Variants in TNRC6A observed in about 807,000 individuals in gnomAD.
TNRC6A encodes trinucleotide repeat containing adaptor 6A.
A neutral mutation model predicts 221.2 loss-of-function variants in TNRC6A; 44 were observed. The ratio of observed to expected loss-of-function variants is 0.20; its 90% CI spans 0.16 to 0.26. TNRC6A has a LOEUF of 0.26. TNRC6A is among the 10% of genes least tolerant of loss of function. The pLI is 1.00. For synonymous variants in TNRC6A, 847 were observed against 838.5 expected (o/e 1.01, Z -0.18); for missense variants, 2,199 against 2,404.4 (o/e 0.91, Z 1.79).
chr16:24,623,152 A>AATTTATTTATTT (rs199950284), intron 1 of TNRC6A, among the ~76,000 whole-genome samples: 10 of 143,850 alleles, frequency 7.0e-5, no homozygotes, highest in East Asian at 6.1e-4. Context: ...AAGTGATAAG[A>AATTTATTTATTT]ATTTATTTAT....
At chr16:24,757,661 A>G (rs761202022) in intron 3 of TNRC6A, among the ~76,000 whole-genome samples, 15 of 152,222 alleles carry the variant, frequency 9.9e-5, no homozygotes, top group Non-Finnish European at 1.9e-4. Flanking sequence ...GTGGTGTCAG[A>G]AAATAAAGGA....
At chr16:24,662,986 A>G (rs1164330002) in intron 2 of TNRC6A, 1 of 153,736 alleles carries the variant, frequency 6.5e-6, no homozygotes, top group Non-Finnish European at 1.5e-5. Flanking sequence ...CACTGGGTTT[A>G]TTTGAAAGAA....
chr16:24,671,388 C>A (rs192333092), intron 2 of TNRC6A, among the ~76,000 whole-genome samples: 1 of 152,124 alleles, frequency 6.6e-6, no homozygotes, highest in Non-Finnish European at 1.5e-5. Flanking sequence ...GACAAGTTTG[C>A]GCATTGACGC....
intron 2 of TNRC6A, among the ~76,000 whole-genome samples, chr16:24,665,841 A>G (rs2055146630): frequency 6.6e-6 from 1 of 152,128 alleles, no homozygotes; most frequent in Non-Finnish European, 1.5e-5. Flanking sequence ...GCAGGGACAA[A>G]TCTTTCCCTG....
At position 24,793,606 on chromosome 16, in the gene TNRC6A, G is replaced by T. The variant is rs768040697; in HGVS notation, c.3309G>T (p.Thr1103=). The change falls in exon 7 of 25, where the codon ACG becomes ACT. Residue 1103 remains threonine, a synonymous_variant. Coordinates refer to ENST00000395799, the MANE Select transcript of TNRC6A (RefSeq NM_014494.4). The stretch of plus-strand genomic sequence containing the variant: ...TTGCTGCGGCATCCAGCACATCCAC[G>T]TGGGGCTCCAGCTCTGTTGGTCCAC... ...EPIAAASSTS[T]WGSSSVGPQA... 6.4e-7 allele frequency: 1 copy of T among 1,554,646 alleles called. No homozygotes were observed. Among genetic ancestry groups the T allele is most frequent in the Non-Finnish European group, 8.7e-7 (1 of 1,149,282 alleles).
At position 24,791,301 on chromosome 16, in the gene TNRC6A, T is replaced by A; in HGVS notation, c.2659T>A (p.Trp887Arg). The A allele has an allele frequency of 6.2e-7, 1 of 1,611,828 alleles. No homozygotes were observed. Among genetic ancestry groups the A allele is most frequent in the Non-Finnish European group, 8.5e-7 (1 of 1,178,738 alleles). Residue 887 changes from tryptophan to arginine, a missense_variant, in exon 6 of 25, where the codon TGG becomes AGG. Physicochemically the swap from Trp to Arg is moderately radical, Grantham distance 101 (BLOSUM62 -3). Transcript: ENST00000395799. ...GSDSDRSVSG[W>R]NELGKTSSFT... is the part of the protein sequence containing the mutation. Reference sequence around the variant, plus strand: ...TGACAGTGACAGGTCCGTTTCCGGTTGGAACGAACTTGGTAAAACTAGTTC... The same window carrying A: ...TGACAGTGACAGGTCCGTTTCCGGTAGGAACGAACTTGGTAAAACTAGTTC...
In TNRC6A at chr16:24,811,282, T is replaced by G. The variant is rs375933867; in HGVS notation, c.4672+1801T>G. ...TAAGGGGAGTGGAGGCAAGGACATT[T>G]GACTAGGAAGTTCTGCATTACAGAA... is the stretch of plus-strand genomic sequence containing the variant. On this transcript the variant is annotated intron_variant, in intron 18 of 24. Coordinates refer to ENST00000395799, the MANE Select transcript of TNRC6A (RefSeq NM_014494.4). 8.5e-5 allele frequency among the ~76,000 whole-genome samples: 13 copies of G among 152,286 alleles called. No individual in the cohort carries two copies. The East Asian group carries it at 2.5e-3, about 29-fold the overall frequency.
chr16:24,623,607 A>G (rs1488202365), intron 1 of TNRC6A, among the ~76,000 whole-genome samples: 2 of 151,908 alleles, frequency 1.3e-5, no homozygotes, highest in Non-Finnish European at 2.9e-5. Context: ...ATTATGAAGA[A>G]TTTCAAGGCT....
chr16:24,651,004 T>C (rs1157734697), intron 2 of TNRC6A, among the ~76,000 whole-genome samples: 1 of 152,162 alleles, frequency 6.6e-6, no homozygotes, highest in Non-Finnish European at 1.5e-5. Flanking sequence ...GATTGAACAG[T>C]GTAGCTCCGT....
chr16:24,765,515 A>T (rs1274674445), intron 4 of TNRC6A, among the ~76,000 whole-genome samples: 1 of 152,182 alleles, frequency 6.6e-6, no homozygotes, highest in Non-Finnish European at 1.5e-5. Flanking sequence ...TTTGTGTTGT[A>T]GGGTGGTATT....
At chr16:24,761,944 C>G (rs993901375) in intron 4 of TNRC6A, among the ~76,000 whole-genome samples, 3 of 152,138 alleles carry the variant, frequency 2.0e-5, no homozygotes, top group Admixed American at 2.0e-4. Context: ...TCTTTTTCCT[C>G]TGTCTCTTCC....
Position 24,823,285 on chromosome 16 carries a change from G to C in TNRC6A, c.5514-147G>C, listed in dbSNP as rs1370199322. ...GCTGTGGGTGCACACTCGGGTGAAG[G>C]GAGGGCACGCAGGTTATGTGGTGTA... On this transcript the variant is annotated intron_variant, in intron 24 of 24. Transcript: ENST00000395799. The surrounding 1 kb of genome is among the most constrained non-coding windows in gnomAD (Gnocchi z 4.3). 3.7e-6 allele frequency: 4 copies of C among 1,071,776 alleles called. No homozygotes were observed. In the East Asian group the frequency reaches 9.9e-5, roughly 27 times the overall value. 66.4% of individuals were successfully genotyped at this position (1,071,776 alleles called of 1,614,324 possible). A position where few individuals can be genotyped will look rare whatever the true frequency, so the allele number is the denominator to read the frequency against.
chr16:24,818,780 G>C, intron 21 of TNRC6A, 80 bp downstream of exon 21: 2 of 1,055,164 alleles, frequency 1.9e-6, no homozygotes, highest in Non-Finnish European at 2.9e-6. Flanking sequence ...CTCTTCTTTC[G>C]TCCAGTCTTC....
intron 2 of TNRC6A, among the ~76,000 whole-genome samples, chr16:24,710,189 C>T (rs2056177800): frequency 6.6e-6 from 1 of 150,812 alleles, no homozygotes; most frequent in Non-Finnish European, 1.5e-5. Flanking sequence ...CGCGCCATTG[C>T]ACTCCAGCCT....
intron 11 of TNRC6A, among the ~76,000 whole-genome samples, chr16:24,799,391 C>T (rs1225454801): frequency 6.6e-6 from 1 of 152,158 alleles, no homozygotes; most frequent in Non-Finnish European, 1.5e-5. Context: ...AATGGCAACG[C>T]AACTCTGTAT....
At chr16:24,631,263 G>A (rs563354146) in intron 1 of TNRC6A, among the ~76,000 whole-genome samples, 2 of 152,042 alleles carry the variant, frequency 1.3e-5, no homozygotes, top group South Asian at 4.2e-4. Context: ...ACAACTGCTT[G>A]AGAAACCTGT....
At chr16:24,781,419 T>C (rs1253467334) in intron 5 of TNRC6A, among the ~76,000 whole-genome samples, 2 of 152,184 alleles carry the variant, frequency 1.3e-5, no homozygotes, top group African/African-American at 4.8e-5. Context: ...TCAGTGTTAC[T>C]GAAGGAATAG....
chr16:24,641,480 A>G (rs988975444), intron 2 of TNRC6A, among the ~76,000 whole-genome samples: 2 of 152,160 alleles, frequency 1.3e-5, no homozygotes, highest in African/African-American at 4.8e-5. Flanking sequence ...CTGGATCCGT[A>G]TGGCATCACC....
At chr16:24,712,638 C>T (rs950603678) in intron 2 of TNRC6A, among the ~76,000 whole-genome samples, 12 of 152,146 alleles carry the variant, frequency 7.9e-5, no homozygotes, top group African/African-American at 2.7e-4. Flanking sequence ...ATATCATTTT[C>T]CTTCTCTCTG....
Sources: gnomAD v4.1 joint callset for allele counts (sites outside exome capture counted in the v4.1 genomes callset) on GRCh38, gnomAD v4.1.1 for gene constraint, Gnocchi (gnomAD v3.1) non-coding constraint, MANE v1.5 for transcripts, NCBI Gene and HGNC (gene_info 2026-07-23, HGNC 2026-07-21) for gene names.